Variants in INPP4B observed in about 807,000 individuals in gnomAD.
INPP4B encodes the protein inositol polyphosphate 4-phosphatase type II.
Under a neutral mutation model 122.5 loss-of-function variants are expected in INPP4B, and 55 were observed. The observed-to-expected ratio is 0.45, with a 90% confidence interval of 0.36 to 0.56. INPP4B has a LOEUF of 0.56. Ranked by LOEUF, INPP4B falls within the 20% of genes least tolerant of loss-of-function variation. The pLI is 0.00. For synonymous variants in INPP4B, 403 were observed against 388.7 expected (o/e 1.04, Z -0.43); for missense variants, 1,000 against 1,097.7 (o/e 0.91, Z 1.26).
intron 7 of INPP4B, among the ~76,000 whole-genome samples, chr4:142,319,709 G>C (rs983089002): frequency 6.6e-6 from 1 of 152,180 alleles, no homozygotes; most frequent in Admixed American, 6.6e-5. Context: ...ACATAAAGGA[G>C]TCCAGTCTTT....
intron 2 of INPP4B, among the ~76,000 whole-genome samples, chr4:142,699,808 A>G (rs1244235151): frequency 1.3e-5 from 2 of 152,160 alleles, no homozygotes; most frequent in African/African-American, 4.8e-5. Context: ...CTGCACTTGT[A>G]TATCTTGCCT....
At chr4:142,840,087 A>C (rs1024088481) in intron 1 of INPP4B, among the ~76,000 whole-genome samples, 8 of 152,188 alleles carry the variant, frequency 5.3e-5, no homozygotes, top group Non-Finnish European at 1.0e-4. Context: ...AGCTTAACCA[A>C]GAAGAAATTG....
chr4:142,454,254 C>T (rs767468159), intron 3 of INPP4B, among the ~76,000 whole-genome samples: 2 of 152,052 alleles, frequency 1.3e-5, no homozygotes, highest in Non-Finnish European at 2.9e-5. Context: ...CCTACTATAT[C>T]GAGTTTATTG....
At chr4:142,419,720 T>C (rs921482873) in intron 5 of INPP4B, among the ~76,000 whole-genome samples, 3 of 152,166 alleles carry the variant, frequency 2.0e-5, no homozygotes, top group African/African-American at 7.2e-5. Context: ...ATCTTTAATA[T>C]TTAATTGCAC....
chr4:142,411,420 C>T (rs755286648), intron 5 of INPP4B, among the ~76,000 whole-genome samples: 4 of 152,152 alleles, frequency 2.6e-5, no homozygotes, highest in Admixed American at 6.5e-5. Context: ...CTAAATGTTA[C>T]AGCTAGAGCC....
intron 12 of INPP4B, among the ~76,000 whole-genome samples, chr4:142,216,578 A>G (rs1447661037): frequency 1.3e-5 from 2 of 152,252 alleles, no homozygotes; most frequent in Non-Finnish European, 2.9e-5. Context: ...ATCTCTGGAA[A>G]TAACCTTATG....
intron 25 of INPP4B, among the ~76,000 whole-genome samples, chr4:142,068,884 G>A (rs2152471567): frequency 6.6e-6 from 1 of 152,246 alleles, no homozygotes; most frequent in East Asian, 1.9e-4. Context: ...ATAATAATGG[G>A]AGACTTTAAC....
At chr4:142,336,335 A>G (rs1238062403) in intron 7 of INPP4B, among the ~76,000 whole-genome samples, 3 of 152,108 alleles carry the variant, frequency 2.0e-5, no homozygotes, top group Non-Finnish European at 4.4e-5. Flanking sequence ...TGGGGGCCAC[A>G]CACCTCTGTT....
At chr4:142,285,836 G>A (rs1454894345) in intron 9 of INPP4B, among the ~76,000 whole-genome samples, 1 of 152,062 alleles carries the variant, frequency 6.6e-6, no homozygotes, top group South Asian at 2.1e-4. Flanking sequence ...CACTTATGAC[G>A]ACAATAAAGA....
At chr4:142,637,591 C>T (rs1305577266) in intron 2 of INPP4B, among the ~76,000 whole-genome samples, 2 of 152,278 alleles carry the variant, frequency 1.3e-5, no homozygotes, top group East Asian at 3.9e-4. Flanking sequence ...TATTTACCTA[C>T]TCACTTACTG....
At chr4:142,784,255 C>G (rs1775376528) in intron 1 of INPP4B, among the ~76,000 whole-genome samples, 1 of 151,760 alleles carries the variant, frequency 6.6e-6, no homozygotes, top group Non-Finnish European at 1.5e-5. Context: ...CCCAGCTACT[C>G]AGGACGATGA....
At chr4:142,678,575 T>G (rs1225391106) in intron 2 of INPP4B, among the ~76,000 whole-genome samples, 1 of 151,890 alleles carries the variant, frequency 6.6e-6, no homozygotes, top group Non-Finnish European at 1.5e-5. Context: ...TATGATACAC[T>G]GCTCCAGGAA....
intron 23 of INPP4B, among the ~76,000 whole-genome samples, chr4:142,107,886 G>C (rs756768729): frequency 4.6e-5 from 7 of 152,118 alleles, no homozygotes; most frequent in Non-Finnish European, 8.8e-5. Context: ...ATGAACAGCA[G>C]GACACATTCA....
chr4:142,111,645 G>A (rs933243891), intron 22 of INPP4B, among the ~76,000 whole-genome samples: 1 of 151,012 alleles, frequency 6.6e-6, no homozygotes, highest in Non-Finnish European at 1.5e-5. Flanking sequence ...ACTGACCCTG[G>A]CCTGTTCTAT....
intron 2 of INPP4B, among the ~76,000 whole-genome samples, chr4:142,700,421 C>T (rs989956102): frequency 6.6e-6 from 1 of 152,070 alleles, no homozygotes. Context: ...TGTGCTGTAT[C>T]TTGTATTCCT....
chr4:142,512,159 C>A (rs985489299), intron 2 of INPP4B, among the ~76,000 whole-genome samples: 1 of 152,066 alleles, frequency 6.6e-6, no homozygotes, highest in African/African-American at 2.4e-5. Context: ...CGTAATACAG[C>A]AGGAAAATAA....
intron 5 of INPP4B, among the ~76,000 whole-genome samples, chr4:142,427,753 T>G (rs2149351932): frequency 6.6e-6 from 1 of 152,118 alleles, no homozygotes; most frequent in African/African-American, 2.4e-5. Context: ...CTAATGAAAC[T>G]TCACTTTTCA....
chr4:142,492,417 G>A (rs982292043), intron 2 of INPP4B, among the ~76,000 whole-genome samples: 2 of 152,090 alleles, frequency 1.3e-5, no homozygotes, highest in African/African-American at 4.8e-5. Flanking sequence ...GGGAAAGTTT[G>A]GAACTTCCTA....
rs1238314420 is a variant in INPP4B at position 142,765,074 on chromosome 4, G to C, written c.-253-39173C>G. Among the ~76,000 whole-genome samples, 7 of 152,094 alleles carry C rather than the reference G, an allele frequency of 4.6e-5. No homozygotes were observed. In the East Asian group the frequency reaches 1.4e-3, roughly 29 times the overall value. On this transcript the variant is annotated intron_variant, in intron 1 of 25. Coordinates refer to ENST00000262992, the MANE Select transcript of INPP4B (RefSeq NM_001101669.3). ...TAAATAGGAGATTAAGCCACAGTGA[G>C]GATACAGCAGAGGTGAGAGATCATG...
Sources: allele counts gnomAD v4.1 joint callset (sites outside exome capture counted in the v4.1 genomes callset), GRCh38; gene constraint gnomAD v4.1.1; transcripts MANE v1.5; gene names NCBI Gene and HGNC (gene_info 2026-07-23, HGNC 2026-07-21).